Variants in RBM43 observed in about 807,000 individuals in gnomAD.
The protein encoded by RBM43 is RNA-binding protein 43.
In RBM43, 12 loss-of-function variants were observed where a neutral mutation model predicts 12.4. That is an observed-to-expected ratio of 0.97 (90% CI 0.62 to 1.57). The LOEUF (loss-of-function observed/expected upper bound fraction) is 1.57, where lower values mean the gene tolerates loss of function less well. RBM43 is among the 40% of genes most tolerant of loss of function. The pLI, the probability that RBM43 is intolerant of heterozygous loss-of-function variation, is 0.00. For missense variants in RBM43, 348 were observed against 400.1 expected (o/e 0.87, Z 1.11); for synonymous variants, 138 against 145.7 (o/e 0.95, Z 0.38).
chr2:151,250,938 C>A lies in RBM43; in HGVS notation c.1042G>T (p.Val348Phe). The change falls in exon 4 of 4, where the codon GTC becomes TTC. Residue 348 changes from valine (V) to phenylalanine (F), a missense_variant. By Grantham distance (50) the Val-to-Phe change is conservative. Transcript: ENST00000331426. ...ACCTTTTGCCCTATTAATTTCATGA[C>A]CCCTTTTTTAAACAGGTAAGTGTCA... ...SSDTYLFKKGVMKLIGQKVS is the reference protein window; with the variant it reads ...SSDTYLFKKGFMKLIGQKVS The A allele has an allele frequency of 6.3e-7, 1 of 1,598,934 alleles. No individual in the cohort carries two copies. Among genetic ancestry groups the A allele is most frequent in the Non-Finnish European group, 8.5e-7 (1 of 1,172,692 alleles).
intron 1 of RBM43, among the ~76,000 whole-genome samples, chr2:151,259,840 G>A (rs1683024076): frequency 6.6e-6 from 1 of 151,408 alleles, no homozygotes; most frequent in South Asian, 2.1e-4. Flanking sequence ...ATTTCTTTTG[G>A]GAGATCTTTT....
chr2:151,255,294 T>C (rs1682956721), intron 2 of RBM43, among the ~76,000 whole-genome samples: 1 of 151,968 alleles, frequency 6.6e-6, no homozygotes, highest in African/African-American at 2.4e-5. Context: ...AGGCGCCTCC[T>C]GTAATCCCAG....
Position 151,255,526 on chromosome 2 carries a change from G to C in RBM43, c.214+7C>G. On this transcript the variant is annotated splice_region_variant and intron_variant, in intron 2 of 3. Coordinates refer to ENST00000331426, the MANE Select transcript of RBM43 (RefSeq NM_198557.3). ...TCTAAAATTACAAAAATTTGACTTG[G>C]AAATACCTTTTTTTTCTTTGAATAT... 2 of 1,581,496 alleles carry C rather than the reference G, an allele frequency of 1.3e-6. No homozygotes were observed. Among genetic ancestry groups the C allele is most frequent in the South Asian group, 2.3e-5 (2 of 85,380 alleles).
At chr2:151,258,581 C>T (rs897972400) in intron 1 of RBM43, among the ~76,000 whole-genome samples, 3 of 151,878 alleles carry the variant, frequency 2.0e-5, no homozygotes, top group Non-Finnish European at 4.4e-5. Context: ...CCTATAGTCC[C>T]AGCTAGCTAC....
At chr2:151,253,639 G>C (rs898482966) in intron 2 of RBM43, among the ~76,000 whole-genome samples, 3 of 152,140 alleles carry the variant, frequency 2.0e-5, no homozygotes, top group Non-Finnish European at 2.9e-5. Context: ...ACAGCTGCTA[G>C]GTTGCTCATT....
intron 1 of RBM43, among the ~76,000 whole-genome samples, chr2:151,257,096 C>T (rs1460056006): frequency 1.3e-5 from 2 of 152,124 alleles, no homozygotes; most frequent in Non-Finnish European, 2.9e-5. Flanking sequence ...TAAGCTTCTC[C>T]CAATTTTTAA....
rs748773666 is a variant in RBM43, at chr2:151,252,848, C to A, written c.222G>T (p.Glu74Asp). The stretch of plus-strand genomic sequence containing the variant: ...AGTGTTTCTTTTGTCTGATGACATT[C>A]TCTGCAACTAAGTGGAAACACTGGC... ...YVIFKEKKVA[E>D]NVIRQKKHWL... is the part of the protein sequence containing the mutation. Residue 74 changes from glutamate (E) to aspartate (D), a missense_variant, in exon 3 of 4, where the codon GAG (glutamate) becomes GAT (aspartate). By Grantham distance (45) the Glu-to-Asp change is conservative. Transcript: ENST00000331426. The A allele has an allele frequency of 5.0e-6, 8 of 1,587,366 alleles. No individual in the cohort carries two copies. The East Asian group carries it at 1.8e-4, about 35-fold the overall frequency.
rs1321675238 is a variant in RBM43 at position 151,248,197 on chromosome 2, G to A, written c.*2709C>T. On this transcript the variant is annotated 3_prime_UTR_variant, in exon 4 of 4. Transcript: ENST00000331426. Reference sequence around the variant, plus strand: ...GAAAGTGTGCTGAATTATGTGAGTAGGACCAAAAGACAAGAGTGATTTTTA... The same window carrying A: ...GAAAGTGTGCTGAATTATGTGAGTAAGACCAAAAGACAAGAGTGATTTTTA... 1 of 152,126 alleles carries A rather than the reference G, an allele frequency of 6.6e-6. No individual in the cohort carries two copies. The highest frequency in any genetic ancestry group is 1.9e-4 in the East Asian group (1 of 5,204). The allele number at this position is 152,126 out of a possible 1,614,324, so 9.4% of individuals were successfully genotyped here.
chr2:151,260,062 C>T (rs1683027171), intron 1 of RBM43, among the ~76,000 whole-genome samples: 1 of 151,824 alleles, frequency 6.6e-6, no homozygotes. Flanking sequence ...GATGGGGTTT[C>T]ACCATGTTGA....
chr2:151,251,704 G>A, intron 3 of RBM43, 40 bp from the exon 4 acceptor site: 1 of 1,546,684 alleles, frequency 6.5e-7, no homozygotes, highest in Non-Finnish European at 8.8e-7. Flanking sequence ...GTACTGCCTA[G>A]TGGGAAAGAC....
In RBM43 at chr2:151,248,841, G is replaced by T. The variant is rs1213734886; in HGVS notation, c.*2065C>A. ...CAAAGGCCAAATAAATACAAGACAG[G>T]ACAGAAAATAAAATACATGCTTACC... On this transcript the variant is annotated 3_prime_UTR_variant, in exon 4 of 4. Transcript: ENST00000331426. 1.3e-5 allele frequency: 2 copies of T among 152,116 alleles called. No individual in the cohort carries two copies. Among genetic ancestry groups the T allele is most frequent in the Admixed American group, 1.3e-4 (2 of 15,258 alleles). The allele number at this position is 152,116 out of a possible 1,614,324, so 9.4% of individuals were successfully genotyped here.
chr2:151,255,734 A>G lies in RBM43; in HGVS notation c.13T>C (p.Leu5=), dbSNP rs1226852764. 7 of 1,612,056 alleles carry G rather than the reference A, an allele frequency of 4.3e-6. No homozygotes were observed. The highest frequency in any genetic ancestry group is 5.9e-6 in the Non-Finnish European group (7 of 1,178,400). MASV[L]NVKESKAPER... Reference sequence around the variant, plus strand: ...GGAGCTTTGGATTCCTTGACATTCAAAACTGATGCCTGTAAGAGAAACAGC... The same window carrying G: ...GGAGCTTTGGATTCCTTGACATTCAGAACTGATGCCTGTAAGAGAAACAGC... Residue 5 remains leucine, a synonymous_variant, in exon 2 of 4, where the codon TTG becomes CTG. Coordinates refer to ENST00000331426, the MANE Select transcript of RBM43 (RefSeq NM_198557.3).
chr2:151,250,971 A>T lies in RBM43; in HGVS notation c.1009T>A (p.Ser337Thr). 1 of 1,611,842 alleles carries T rather than the reference A, an allele frequency of 6.2e-7. No homozygotes were observed. The highest frequency in any genetic ancestry group is 8.5e-7 in the Non-Finnish European group (1 of 1,178,838). The change falls in exon 4 of 4, where the codon TCT (serine) becomes ACT (threonine). Residue 337 changes from serine to threonine, a missense_variant. Transcript: ENST00000331426. The part of the protein sequence containing the change: ...LYRTHIDIIG[S>T]SSDTYLFKKG... ...TTAAACAGGTAAGTGTCAGAAGAAG[A>T]TCCTATAATGTCAATGTGTGTCCTA...
intron 3 of RBM43, 38 bp downstream of exon 3, chr2:151,252,717 T>C (rs778378772): frequency 2.0e-5 from 22 of 1,109,192 alleles, no homozygotes; most frequent in Non-Finnish European, 3.0e-5. Flanking sequence ...AGAAATGGGA[T>C]ACAGGACTAT....
rs1682963520 is a variant in RBM43 at position 151,255,670 on chromosome 2, A to C, written c.77T>G (p.Leu26Arg). Reference protein sequence around the residue: ...TVVVAGLPVDLFSDQLLAVLV... With the variant: ...TVVVAGLPVDRFSDQLLAVLV... ...TACGGCCAATAATTGATCACTAAAAAGGTCAACTGGAAGACCAGCAACTAC... is the reference window on the plus strand; with the variant it reads ...TACGGCCAATAATTGATCACTAAAACGGTCAACTGGAAGACCAGCAACTAC... The change falls in exon 2 of 4, where the codon CTT becomes CGT. Residue 26 changes from leucine to arginine, a missense_variant. Leu to Arg is a moderately radical substitution (Grantham distance 102). Coordinates refer to ENST00000331426, the MANE Select transcript of RBM43 (RefSeq NM_198557.3). The C allele has an allele frequency of 6.2e-7, 1 of 1,614,028 alleles. No individual in the cohort carries two copies. The highest frequency in any genetic ancestry group is 1.1e-5 in the South Asian group (1 of 91,080).
Position 151,249,777 on chromosome 2 carries a change from G to A in RBM43, c.*1129C>T, listed in dbSNP as rs1003678065. The A allele has an allele frequency of 6.6e-5, 10 of 152,188 alleles. No homozygotes were observed. Among genetic ancestry groups the A allele is most frequent in the African/African-American group, 2.4e-4 (10 of 41,444 alleles). The allele number at this position is 152,188 out of a possible 1,614,324, so 9.4% of individuals were successfully genotyped here. ...TGGGCAATGGCCATAGGTAAAATTA[G>A]TCCTAGAGTTACAGCAAGTTATCTC... On this transcript the variant is annotated 3_prime_UTR_variant, in exon 4 of 4. Transcript: ENST00000331426.
intron 1 of RBM43, among the ~76,000 whole-genome samples, chr2:151,259,000 G>C (rs1280937194): frequency 6.6e-6 from 1 of 151,926 alleles, no homozygotes; most frequent in Non-Finnish European, 1.5e-5. Flanking sequence ...AAAATTAGCT[G>C]GGCGTGGTGG....
At chr2:151,261,476 G>A (rs1041477513) in intron 1 of RBM43, 19 of 1,550,384 alleles carry the variant, frequency 1.2e-5, no homozygotes, top group Admixed American at 2.0e-5. Context: ...CTGCACCGCC[G>A]TACGTGAATT....
chr2:151,257,297 C>T (rs953780659), intron 1 of RBM43, among the ~76,000 whole-genome samples: 7 of 148,128 alleles, frequency 4.7e-5, no homozygotes, highest in African/African-American at 1.2e-4. Flanking sequence ...TGTAAGAGCA[C>T]GCATGCGTGC....
Sources: gnomAD v4.1 joint callset for allele counts (sites outside exome capture counted in the v4.1 genomes callset) on GRCh38, gnomAD v4.1.1 for gene constraint, MANE v1.5 for transcripts, NCBI Gene and HGNC (gene_info 2026-07-23, HGNC 2026-07-21) for gene names.